Variants in PLEKHA6 observed in about 807,000 individuals in gnomAD.
PLEKHA6 encodes pleckstrin homology domain containing A6, also known as pleckstrin homology domain-containing family A member 6.
PLEKHA6 carries 60 observed loss-of-function variants against 116.7 expected under a neutral mutation model. That is an observed-to-expected ratio of 0.51 (90% CI 0.42 to 0.64). PLEKHA6 has a LOEUF of 0.64. PLEKHA6 is among the 30% of genes least tolerant of loss of function. PLEKHA6 has a pLI of 0.00. For synonymous variants in PLEKHA6, 489 were observed against 556.1 expected, an observed-to-expected ratio of 0.88 and a Z score of 1.70; for missense variants, 1,338 against 1,422.7, an observed-to-expected ratio of 0.94 and a Z score of 0.96.
intron 1 of PLEKHA6, chr1:204,301,430 C>A (rs1432683540): frequency 1.7e-5 from 17 of 985,250 alleles, no homozygotes; most frequent in Admixed American, 6.2e-5. Flanking sequence ...ATAGAGCTGG[C>A]GGAGGCAATG....
rs992271758 is a variant in PLEKHA6, at chr1:204,238,022, GGATAT to G, written c.2409+3348_2409+3352del. Among the ~76,000 whole-genome samples the G allele has an allele frequency of 2.6e-5, 4 of 152,220 alleles. No homozygotes were observed. On this transcript the variant is annotated intron_variant, in intron 17 of 22. Transcript: ENST00000272203. The surrounding 1 kb of genome is among the most constrained non-coding windows in gnomAD (Gnocchi z 4.2). ...GTTGAGATATTCCTTCTAAGGCGAA[GGATAT>G]GTTGCTGCATTTGGCCCCTCCTACA...
chr1:204,314,983 C>T (rs184095464), intron 1 of PLEKHA6, among the ~76,000 whole-genome samples: 53 of 152,268 alleles, frequency 3.5e-4, no homozygotes, highest in Admixed American at 2.5e-3. Flanking sequence ...TGGCTCGGAA[C>T]GCTGGCACAC....
intron 1 of PLEKHA6, among the ~76,000 whole-genome samples, chr1:204,325,554 G>A (rs373407381): frequency 4.4e-4 from 67 of 152,316 alleles, no homozygotes; most frequent in African/African-American, 1.5e-3. Context: ...CTAGGAGCCC[G>A]AATGCCCAGC....
chr1:204,369,753 G>A (rs1438399821), intron 2 of PLEKHA6: 1 of 152,146 alleles, frequency 6.6e-6, no homozygotes, highest in Non-Finnish European at 1.5e-5. Flanking sequence ...CTCACAGGCT[G>A]GTATTCATCT....
intron 17 of PLEKHA6, among the ~76,000 whole-genome samples, chr1:204,232,674 C>T (rs944766292): frequency 2.6e-5 from 4 of 152,132 alleles, no homozygotes; most frequent in African/African-American, 9.7e-5. Context: ...GCTAATAGAG[C>T]TACTTAACTA....
chr1:204,316,450 C>T (rs1353928124), intron 1 of PLEKHA6, among the ~76,000 whole-genome samples: 1 of 152,186 alleles, frequency 6.6e-6, no homozygotes, highest in African/African-American at 2.4e-5. Context: ...ATGGGTGAGT[C>T]CAGGGGTACC....
chr1:204,328,446 G>T (rs1400993481), intron 1 of PLEKHA6, among the ~76,000 whole-genome samples: 5 of 151,260 alleles, frequency 3.3e-5, no homozygotes, highest in Non-Finnish European at 7.4e-5. Context: ...GCCCACGCTG[G>T]AGTGCGATGG....
intron 9 of PLEKHA6, among the ~76,000 whole-genome samples, chr1:204,254,857 A>C (rs1424550444): frequency 2.6e-5 from 4 of 152,148 alleles, no homozygotes; most frequent in Non-Finnish European, 5.9e-5. Context: ...TCTAAACTTA[A>C]GAGTATGTGC....
chr1:204,372,750 C>T (rs1384503266), intron 1 of PLEKHA6, among the ~76,000 whole-genome samples: 1 of 151,928 alleles, frequency 6.6e-6, no homozygotes, highest in Non-Finnish European at 1.5e-5. Context: ...TCCTTCCCAC[C>T]CCCAACCCCA....
At chr1:204,366,803 G>A (rs1272301409) in intron 3 of PLEKHA6, among the ~76,000 whole-genome samples, 4 of 152,334 alleles carry the variant, frequency 2.6e-5, no homozygotes, top group African/African-American at 9.6e-5. Flanking sequence ...TGATGTAGGT[G>A]GTAGATGGTG....
At chr1:204,232,225 G>A (rs1661288991) in intron 17 of PLEKHA6, among the ~76,000 whole-genome samples, 1 of 152,232 alleles carries the variant, frequency 6.6e-6, no homozygotes, top group Non-Finnish European at 1.5e-5. Flanking sequence ...TGTTGAAGGT[G>A]TGGCCTGGTT....
At position 204,241,123 on chromosome 1, in the gene PLEKHA6, A is replaced by G. The variant is rs1182395013; in HGVS notation, c.2409+252T>C. ...TTACTAAACTCCCCTTTACACATAT[A>G]TATTATATATCTTATTAGTTCTGTC... is the stretch of plus-strand genomic sequence containing the variant. On this transcript the variant is annotated intron_variant, in intron 17 of 22. Coordinates refer to ENST00000272203, the MANE Select transcript of PLEKHA6 (RefSeq NM_014935.5). 2.0e-5 allele frequency among the ~76,000 whole-genome samples: 3 copies of G among 152,102 alleles called. 1 individual carries two copies. The highest frequency in any genetic ancestry group is 2.0e-4 in the Admixed American group (3 of 15,272).
intron 1 of PLEKHA6, among the ~76,000 whole-genome samples, chr1:204,292,440 C>T (rs930276475): frequency 1.4e-4 from 22 of 152,200 alleles, no homozygotes; most frequent in African/African-American, 4.8e-4. Flanking sequence ...GGAGCTGCCC[C>T]GACCTGGCTG....
chr1:204,356,584 T>TTAA (rs1553284397), intron 1 of PLEKHA6, among the ~76,000 whole-genome samples: 1 of 127,534 alleles, frequency 7.8e-6, no homozygotes, highest in African/African-American at 3.2e-5. Flanking sequence ...AATAATAATA[T>TTAA]TAATAATAAT....
chr1:204,354,098 T>C (rs1300945220), intron 1 of PLEKHA6, among the ~76,000 whole-genome samples: 3 of 152,332 alleles, frequency 2.0e-5, no homozygotes, highest in African/African-American at 4.8e-5. Context: ...CCTGCAATTA[T>C]AGATGCCTGT....
intron 1 of PLEKHA6, among the ~76,000 whole-genome samples, chr1:204,377,135 T>C (rs765120229): frequency 3.3e-5 from 5 of 151,920 alleles, no homozygotes; most frequent in Non-Finnish European, 5.9e-5. Flanking sequence ...GGGGCGAGGG[T>C]TGCCAGGAAC....
chr1:204,305,128 G>T (rs6660437), intron 1 of PLEKHA6, among the ~76,000 whole-genome samples: 62,557 of 152,046 alleles, frequency 0.41, 13,752 homozygotes, highest in East Asian at 0.73. Flanking sequence ...CAACGTAACA[G>T]AGACATAGAC....
rs558951074 is a variant in PLEKHA6, at chr1:204,283,010, C to T, written c.-94-8201G>A. On this transcript the variant is annotated intron_variant, in intron 1 of 22. Transcript: ENST00000272203. The stretch of plus-strand genomic sequence containing the variant: ...GGGCAGGGCAATAATTAATTATGCC[C>T]CCCCACCGCCCCGCCGCCTTCCAGC... Among the ~76,000 whole-genome samples, 33 of 152,268 alleles carry T rather than the reference C, an allele frequency of 2.2e-4. 1 individual carries two copies. The South Asian group carries it at 6.8e-3, about 32-fold the overall frequency.
At chr1:204,318,815 C>T (rs1175451729) in intron 1 of PLEKHA6, among the ~76,000 whole-genome samples, 1 of 152,122 alleles carries the variant, frequency 6.6e-6, no homozygotes, top group Non-Finnish European at 1.5e-5. Flanking sequence ...CTGGAAGACT[C>T]GGGTTGTTTC....
Sources: allele counts gnomAD v4.1 joint callset (sites outside exome capture counted in the v4.1 genomes callset), GRCh38; gene constraint gnomAD v4.1.1; non-coding constraint Gnocchi (gnomAD v3.1); transcripts MANE v1.5; gene names NCBI Gene and HGNC (gene_info 2026-07-23, HGNC 2026-07-21).